The following FAP variants were observed in gnomAD, a reference collection of about 807,000 sequenced individuals.
FAP encodes prolyl endopeptidase FAP.
Under a neutral mutation model 126.5 loss-of-function variants are expected in FAP, and 110 were observed. The observed-to-expected ratio is 0.87, with a 90% confidence interval of 0.74 to 1.02. The LOEUF (loss-of-function observed/expected upper bound fraction) is 1.02. FAP is among the 50% of genes least tolerant of loss of function. The pLI, the probability that FAP is intolerant of heterozygous loss-of-function variation, is 0.00. For missense variants in FAP, 919 were observed against 909.2 expected (o/e 1.01, Z -0.14); for synonymous variants, 334 against 297.3 (o/e 1.12, Z -1.27).
intron 2 of FAP, among the ~76,000 whole-genome samples, chr2:162,238,872 T>G (rs778340754): frequency 1.9e-4 from 29 of 152,206 alleles, no homozygotes; most frequent in Non-Finnish European, 3.2e-4. Flanking sequence ...CTGACTAAAA[T>G]TCAGACTTTC....
Position 162,170,880 on chromosome 2 carries a change from T to C in FAP, c.*99A>G. 1 of 862,052 alleles carries C rather than the reference T, an allele frequency of 1.2e-6. No individual in the cohort carries two copies. Among genetic ancestry groups the C allele is most frequent in the Admixed American group, 2.2e-5 (1 of 45,268 alleles). The allele number at this position is 862,052 out of a possible 1,614,324, so 53.4% of individuals were successfully genotyped here. On this transcript the variant is annotated 3_prime_UTR_variant, in exon 26 of 26. Coordinates refer to ENST00000188790, the MANE Select transcript of FAP (RefSeq NM_004460.5). ...AGAACAACATTAATTTGTTTGTTTA[T>C]ACTAGCATTTTACAACATAAAAAAT...
chr2:162,199,552 A>G (rs7564592), intron 15 of FAP, among the ~76,000 whole-genome samples: 2 of 152,132 alleles, frequency 1.3e-5, no homozygotes, highest in Non-Finnish European at 2.9e-5. Context: ...ACACAGACTC[A>G]GGGACCTTAT....
chr2:162,178,547 C>T (rs1687569595), intron 21 of FAP, among the ~76,000 whole-genome samples: 1 of 152,188 alleles, frequency 6.6e-6, no homozygotes, highest in African/African-American at 2.4e-5. Context: ...CGGTTAACAA[C>T]CACTGCCATA....
At chr2:162,171,333 C>T in intron 25 of FAP, 2 of 321,728 alleles carry the variant, frequency 6.2e-6, no homozygotes, top group Non-Finnish European at 1.2e-5. Flanking sequence ...CATCCAGCAT[C>T]CTGGAAGATC....
At chr2:162,173,042 C>G in intron 24 of FAP, 107 bp downstream of exon 24, 1 of 1,174,284 alleles carries the variant, frequency 8.5e-7, no homozygotes, top group Non-Finnish European at 1.3e-6. Flanking sequence ...GTCCCTGACT[C>G]TTAGGTACTG....
rs1330145154 is a variant in FAP at position 162,176,401 on chromosome 2, TG to T, written c.1870-1436del. The T allele has an allele frequency of 2.0e-5, 3 of 152,302 alleles. No homozygotes were observed. The East Asian group carries it at 5.8e-4, about 29-fold the overall frequency. 9.4% of individuals were successfully genotyped at this position (152,302 alleles called of 1,614,324 possible). A position where few individuals can be genotyped will look rare whatever the true frequency, so the allele number is the denominator to read the frequency against. The stretch of plus-strand genomic sequence containing the variant: ...AAAAGAGGGGGCTCAGATTGTACCA[TG>T]GCCTCTTTTTATTATACTTGGAGGA... On this transcript the variant is annotated intron_variant, in intron 21 of 25. Transcript: ENST00000188790.
chr2:162,234,959 C>T (rs575549224), intron 2 of FAP, among the ~76,000 whole-genome samples: 54 of 152,276 alleles, frequency 3.5e-4, no homozygotes, highest in African/African-American at 1.2e-3. Context: ...CCCAGCGGCC[C>T]GGGCAGTGAG....
At chr2:162,194,976 T>C (rs963794478) in intron 16 of FAP, 24 of 549,804 alleles carry the variant, frequency 4.4e-5, no homozygotes, top group African/African-American at 4.0e-4. Context: ...GCCTTGCCTG[T>C]GCACTTTTCC....
At position 162,188,460 on chromosome 2, in the gene FAP, T is replaced by A. The variant is rs142065000; in HGVS notation, c.1620-97A>T. 14 of 1,022,352 alleles carry A rather than the reference T, an allele frequency of 1.4e-5. No homozygotes were observed. In the East Asian group the frequency reaches 3.4e-4, roughly 25 times the overall value. The allele number at this position is 1,022,352 out of a possible 1,614,324, so 63.3% of individuals were successfully genotyped here. Reference sequence around the variant, plus strand: ...ATTGCTTCTAGTAATTCCAGTACAATTATGTGATAAAATAACAATGGCGTT... The same window carrying A: ...ATTGCTTCTAGTAATTCCAGTACAAATATGTGATAAAATAACAATGGCGTT... On this transcript the variant is annotated intron_variant, in intron 19 of 25. Transcript: ENST00000188790.
intron 2 of FAP, among the ~76,000 whole-genome samples, chr2:162,236,815 C>T (rs1299811247): frequency 2.0e-5 from 3 of 152,116 alleles, no homozygotes; most frequent in African/African-American, 7.2e-5. Flanking sequence ...GTTGGCTAGG[C>T]TGGTCTTGAA....
chr2:162,204,635 G>T (rs910016276), intron 12 of FAP, among the ~76,000 whole-genome samples: 1 of 152,118 alleles, frequency 6.6e-6, no homozygotes, highest in Non-Finnish European at 1.5e-5. Flanking sequence ...AGACAGGGAG[G>T]ATTCTTCTCT....
rs1017842710 is a variant in FAP, at chr2:162,198,733, G to T, written c.1402+24C>A. 1.9e-6 allele frequency: 3 copies of T among 1,613,460 alleles called. No homozygotes were observed. In the African/African-American group the frequency reaches 4.0e-5, roughly 22 times the overall value. ...ACAACCATGCCTGTGGGGATGCTGT[G>T]CTTATGTGAGGTCCGTTACCTACCG... On this transcript the variant is annotated intron_variant, in intron 16 of 25. Coordinates refer to ENST00000188790, the MANE Select transcript of FAP (RefSeq NM_004460.5).
At chr2:162,232,817 A>G (rs1345505349) in intron 2 of FAP, among the ~76,000 whole-genome samples, 4 of 152,234 alleles carry the variant, frequency 2.6e-5, no homozygotes, top group Non-Finnish European at 5.9e-5. Context: ...CATAAGATAT[A>G]ATCAACCTAA....
intron 19 of FAP, 70 bp from the exon 20 acceptor site, chr2:162,188,433 G>C (rs1438936630): frequency 7.5e-7 from 1 of 1,328,110 alleles, no homozygotes; most frequent in South Asian, 1.3e-5. Flanking sequence ...TCCTGGCCAA[G>C]CATTGCTTCT....
intron 2 of FAP, among the ~76,000 whole-genome samples, chr2:162,229,670 T>C (rs1453999298): frequency 6.6e-6 from 1 of 152,194 alleles, no homozygotes; most frequent in East Asian, 1.9e-4. Context: ...AGCATTTTGA[T>C]CTTATCAGAG....
intron 2 of FAP, among the ~76,000 whole-genome samples, chr2:162,233,004 T>C (rs958019159): frequency 3.3e-5 from 5 of 152,164 alleles, no homozygotes; most frequent in Admixed American, 3.3e-4. Flanking sequence ...GCAACTTTCC[T>C]AGGTCATTTC....
intron 20 of FAP, 103 bp from the exon 21 acceptor site, chr2:162,183,571 AT>A: frequency 1.4e-6 from 1 of 717,738 alleles, no homozygotes; most frequent in South Asian, 1.7e-5. Context: ...GAAACGCTAC[AT>A]TTTCTTTGTT....
At position 162,243,400 on chromosome 2, in the gene FAP, G is replaced by C. The variant is rs1690436917; in HGVS notation, c.-73C>G. 1 of 1,574,920 alleles carries C rather than the reference G, an allele frequency of 6.3e-7. No homozygotes were observed. Among genetic ancestry groups the C allele is most frequent in the East Asian group, 2.3e-5 (1 of 43,572 alleles). On this transcript the variant is annotated 5_prime_UTR_variant, in exon 1 of 26. Coordinates refer to ENST00000188790, the MANE Select transcript of FAP (RefSeq NM_004460.5). ...GGTCACTGGATCTGTGAAAACCGTT[G>C]AAAAGGACCAAGTCTGTCTTTGTAG... is the stretch of plus-strand genomic sequence containing the variant.
At chr2:162,227,520 C>G (rs977616737) in intron 2 of FAP, among the ~76,000 whole-genome samples, 13 of 152,234 alleles carry the variant, frequency 8.5e-5, no homozygotes, top group Non-Finnish European at 1.6e-4. Flanking sequence ...CCACCTTACC[C>G]CTTCCACAGG....
Sources: gnomAD v4.1 joint callset for allele counts (sites outside exome capture counted in the v4.1 genomes callset) on GRCh38, gnomAD v4.1.1 for gene constraint, MANE v1.5 for transcripts, NCBI Gene and HGNC (gene_info 2026-07-23, HGNC 2026-07-21) for gene names.